Variants in P2RY12 observed in about 807,000 individuals in gnomAD.
P2RY12 encodes P2Y purinoceptor 12.
P2RY12 carries 3 observed loss-of-function variants against 4.5 expected under a neutral mutation model. That is an observed-to-expected ratio of 0.67 (90% confidence interval 0.31 to 1.74). The LOEUF is 1.74. Among genes scored for constraint, P2RY12 ranks in the 40% most tolerant of loss-of-function variants. The pLI is 0.09. For missense variants in P2RY12, 356 were observed against 407.8 expected (o/e 0.87, Z 1.09); for synonymous variants, 148 against 154.1 (o/e 0.96, Z 0.29).
chr3:151,345,054 A>G (rs1396141255), intron 1 of P2RY12, among the ~76,000 whole-genome samples: 4 of 152,204 alleles, frequency 2.6e-5, no homozygotes, highest in African/African-American at 9.7e-5. Context: ...TAGTACAACA[A>G]GCCTGCCAGG....
intron 1 of P2RY12, among the ~76,000 whole-genome samples, chr3:151,361,382 T>C (rs73008504): frequency 0.028 from 4,226 of 152,202 alleles, 188 homozygotes; most frequent in African/African-American, 0.097. Flanking sequence ...ACAGATTGTA[T>C]TAGATTCAGG....
At chr3:151,348,021 C>T (rs1752742051) in intron 1 of P2RY12, among the ~76,000 whole-genome samples, 1 of 152,166 alleles carries the variant, frequency 6.6e-6, no homozygotes, top group South Asian at 2.1e-4. Context: ...CACCACCCCT[C>T]TTTGGACTTC....
In P2RY12 at chr3:151,338,465, G is replaced by A. The variant is rs1264494187; in HGVS notation, c.381C>T (p.Thr127=). The A allele has an allele frequency of 1.9e-6, 3 of 1,613,930 alleles. No individual in the cohort carries two copies. Among genetic ancestry groups the A allele is most frequent in the Non-Finnish European group, 2.5e-6 (3 of 1,179,990 alleles). The change falls in exon 3 of 3, where the codon ACC becomes ACT. Residue 127 remains threonine, a synonymous_variant. Coordinates refer to ENST00000302632, the MANE Select transcript of P2RY12 (RefSeq NM_022788.5). ...LITIDRYQKT[T]RPFKTSNPKN... ...TGGGGTTGGATGTTTTAAATGGCCT[G>A]GTGGTCTTCTGGTAGCGATCGATAG...
intron 1 of P2RY12, among the ~76,000 whole-genome samples, chr3:151,358,736 A>G (rs1043341667): frequency 4.6e-5 from 7 of 152,164 alleles, no homozygotes; most frequent in African/African-American, 1.2e-4. Context: ...GCTTAAAACT[A>G]TTATTTCACT....
intron 1 of P2RY12, chr3:151,380,014 T>A (rs1711965799): frequency 1.4e-6 from 1 of 721,008 alleles, no homozygotes; most frequent in African/African-American, 1.8e-5. Context: ...TTACCACCTC[T>A]CTTATTTATC....
chr3:151,384,653 A>G (rs1276833981), intron 1 of P2RY12, 39 bp downstream of exon 1: 1 of 197,082 alleles, frequency 5.1e-6, no homozygotes, highest in Non-Finnish European at 1.0e-5. Context: ...GAAACCAAAT[A>G]AATCTGATGC....
intron 1 of P2RY12, among the ~76,000 whole-genome samples, chr3:151,345,159 G>T (rs538943229): frequency 6.6e-6 from 1 of 152,194 alleles, no homozygotes; most frequent in Non-Finnish European, 1.5e-5. Context: ...TCTAAAGGAC[G>T]AGATTTTTAG....
intron 1 of P2RY12, chr3:151,376,204 G>A (rs188528346): frequency 1.8e-5 from 29 of 1,581,296 alleles, no homozygotes; most frequent in East Asian, 1.4e-4. Flanking sequence ...CACATTAAGC[G>A]TATTCTTCAG....
chr3:151,355,846 A>G, intron 1 of P2RY12: 1 of 1,486,830 alleles, frequency 6.7e-7, no homozygotes, highest in East Asian at 2.3e-5. Context: ...TCTTAGTAAA[A>G]GATTATTTAG....
chr3:151,355,059 A>ATT (rs1753743063), intron 1 of P2RY12: 1 of 1,233,170 alleles, frequency 8.1e-7, no homozygotes, highest in Non-Finnish European at 1.2e-6. Flanking sequence ...AAAAGTATCC[A>ATT]TTAAAAATGT....
intron 1 of P2RY12, chr3:151,355,256 G>C: frequency 1.3e-6 from 2 of 1,539,946 alleles, no homozygotes; most frequent in East Asian, 2.3e-5. Context: ...ATTTAAAGCT[G>C]TTTATTATGC....
chr3:151,354,772 C>T (rs1247557670), intron 1 of P2RY12, among the ~76,000 whole-genome samples: 2 of 152,140 alleles, frequency 1.3e-5, no homozygotes, highest in African/African-American at 2.4e-5. Context: ...CAACATGAAT[C>T]AATCTTAAAA....
intron 1 of P2RY12, among the ~76,000 whole-genome samples, chr3:151,354,627 AG>A (rs1444781985): frequency 3.3e-5 from 5 of 152,232 alleles, no homozygotes; most frequent in African/African-American, 1.2e-4. Flanking sequence ...ATGTTTATAA[AG>A]GCACTTTTTA....
chr3:151,342,526 G>T (rs1292434672), intron 1 of P2RY12, among the ~76,000 whole-genome samples: 1 of 152,162 alleles, frequency 6.6e-6, no homozygotes. Flanking sequence ...AAACTCTGGG[G>T]TGCCCCACCC....
chr3:151,380,296 C>G, intron 1 of P2RY12: 3 of 1,065,660 alleles, frequency 2.8e-6, no homozygotes, highest in Non-Finnish European at 4.1e-6. Context: ...CTTTCAAATA[C>G]TGAGATTAAA....
rs943015270 is a variant in P2RY12 at position 151,349,870 on chromosome 3, T to A, written c.-179-9110A>T. Among the ~76,000 whole-genome samples the A allele has an allele frequency of 9.5e-5, 14 of 147,410 alleles. No individual in the cohort carries two copies. The Middle Eastern group carries it at 0.01, about 109-fold the overall frequency. Reference sequence around the variant, plus strand: ...GTTGACACTTTTTTTTTTTTTTTTATAATGTTAGCAAGTTCCAAACTGGAA... The same window carrying A: ...GTTGACACTTTTTTTTTTTTTTTTAAAATGTTAGCAAGTTCCAAACTGGAA... On this transcript the variant is annotated intron_variant, in intron 1 of 2. Transcript: ENST00000302632.
chr3:151,353,614 C>T (rs187093221), intron 1 of P2RY12, among the ~76,000 whole-genome samples: 87 of 152,274 alleles, frequency 5.7e-4, no homozygotes, highest in Admixed American at 1.5e-3. Flanking sequence ...TTGACTGTAA[C>T]CACTAATTGC....
intron 1 of P2RY12, chr3:151,367,638 T>C (rs574386305): frequency 1.9e-6 from 3 of 1,599,546 alleles, no homozygotes; most frequent in Non-Finnish European, 2.6e-6. Context: ...TCAATGTTTT[T>C]CTTGAAGGTG....
intron 1 of P2RY12, chr3:151,383,735 C>G: frequency 7.6e-7 from 1 of 1,310,816 alleles, no homozygotes; most frequent in African/African-American, 1.5e-5. Context: ...GGTGTTCTTT[C>G]TGTTTTACAG....
Sources: allele counts gnomAD v4.1 joint callset (sites outside exome capture counted in the v4.1 genomes callset), GRCh38; gene constraint gnomAD v4.1.1; transcripts MANE v1.5; gene names NCBI Gene and HGNC (gene_info 2026-07-23, HGNC 2026-07-21).